MACROD2: variants seen among roughly 807,000 people sequenced by gnomAD.
The protein encoded by MACROD2 is mono-ADP ribosylhydrolase 2.
A neutral mutation model predicts 70.4 loss-of-function variants in MACROD2; 36 were observed. That is an observed-to-expected ratio of 0.51 (90% CI 0.39 to 0.68). The LOEUF (loss-of-function observed/expected upper bound fraction) is 0.68. Ranked by LOEUF, MACROD2 falls within the 30% of genes least tolerant of loss-of-function variation. MACROD2 has a pLI of 0.00. For synonymous variants in MACROD2, 172 were observed against 178.8 expected (o/e 0.96, Z 0.30); for missense variants, 496 against 538.4 (o/e 0.92, Z 0.78).
intron 5 of MACROD2, among the ~76,000 whole-genome samples, chr20:15,093,049 T>C (rs2075803703): frequency 1.3e-5 from 2 of 152,180 alleles, no homozygotes; most frequent in South Asian, 4.1e-4. Flanking sequence ...ATACTAAGAA[T>C]AAAGTAGAAT....
chr20:14,049,684 C>G (rs1159939977), intron 2 of MACROD2, among the ~76,000 whole-genome samples: 1 of 151,604 alleles, frequency 6.6e-6, no homozygotes, highest in South Asian at 2.1e-4. Flanking sequence ...ACCCAGGAGG[C>G]AGAGGTTACA....
intron 5 of MACROD2, among the ~76,000 whole-genome samples, chr20:15,062,860 C>A (rs776942012): frequency 2.0e-5 from 3 of 152,172 alleles, no homozygotes; most frequent in Non-Finnish European, 4.4e-5. Flanking sequence ...TTAGCTCTTG[C>A]AATTCTTGCC....
intron 2 of MACROD2, among the ~76,000 whole-genome samples, chr20:14,081,712 ATTG>A (rs1311481304): frequency 3.9e-5 from 6 of 152,230 alleles, no homozygotes; most frequent in Non-Finnish European, 7.3e-5. Context: ...GGTAATTTAT[ATTG>A]TTGTATTTGC....
chr20:15,817,007 T>G (rs1228168594), intron 8 of MACROD2, among the ~76,000 whole-genome samples: 1 of 152,184 alleles, frequency 6.6e-6, no homozygotes, highest in African/African-American at 2.4e-5. Context: ...CGTTACCTGA[T>G]CTCATGGAGT....
At chr20:15,381,039 C>T (rs926782828) in intron 6 of MACROD2, among the ~76,000 whole-genome samples, 1 of 152,074 alleles carries the variant, frequency 6.6e-6, no homozygotes, top group Non-Finnish European at 1.5e-5. Flanking sequence ...TATAGATTGA[C>T]TACAGGTACA....
intron 12 of MACROD2, among the ~76,000 whole-genome samples, chr20:15,943,980 A>G (rs989574834): frequency 6.6e-6 from 1 of 152,102 alleles, no homozygotes; most frequent in African/African-American, 2.4e-5. Flanking sequence ...ATATTTGCCC[A>G]TGTCTTTAGA....
intron 3 of MACROD2, among the ~76,000 whole-genome samples, chr20:14,253,750 A>G (rs1254741046): frequency 6.6e-6 from 1 of 152,124 alleles, no homozygotes; most frequent in Non-Finnish European, 1.5e-5. Flanking sequence ...TTTCTGAGTC[A>G]AAGGATGAGT....
intron 7 of MACROD2, among the ~76,000 whole-genome samples, chr20:15,446,921 C>T (rs542459721): frequency 7.2e-5 from 11 of 152,134 alleles, no homozygotes; most frequent in South Asian, 4.1e-4. Flanking sequence ...AAATGTGCCT[C>T]GTGGCCAGGA....
chr20:14,725,778 A>C (rs62204771), intron 5 of MACROD2, among the ~76,000 whole-genome samples: 6,465 of 152,230 alleles, frequency 0.042, 203 homozygotes, highest in Non-Finnish European at 0.061. Flanking sequence ...AGATGTATTC[A>C]TCCTCCAACC....
intron 6 of MACROD2, among the ~76,000 whole-genome samples, chr20:15,388,040 G>T (rs1232144699): frequency 6.6e-6 from 1 of 152,068 alleles, no homozygotes; most frequent in African/African-American, 2.4e-5. Context: ...AACTGTTAGT[G>T]GAGGGGAGGT....
chr20:15,325,023 A>G (rs1188397781), intron 6 of MACROD2, among the ~76,000 whole-genome samples: 8 of 144,936 alleles, frequency 5.5e-5, no homozygotes, highest in Admixed American at 4.9e-4. Context: ...CTTTGGACTT[A>G]CTGATAAAAA....
chr20:14,114,234 T>C (rs2054488307), intron 3 of MACROD2, among the ~76,000 whole-genome samples: 1 of 152,144 alleles, frequency 6.6e-6, no homozygotes, highest in African/African-American at 2.4e-5. Context: ...CAGCTCACAT[T>C]CTGACTCTGT....
intron 8 of MACROD2, among the ~76,000 whole-genome samples, chr20:15,785,665 T>C (rs1336834096): frequency 2.6e-5 from 4 of 152,140 alleles, no homozygotes; most frequent in Non-Finnish European, 4.4e-5. Flanking sequence ...GAGCCCTAAC[T>C]GAAAGGCTTT....
At chr20:14,049,819 C>T (rs775760157) in intron 2 of MACROD2, among the ~76,000 whole-genome samples, 4 of 151,758 alleles carry the variant, frequency 2.6e-5, no homozygotes, top group Non-Finnish European at 5.9e-5. Context: ...TGCGGTGGCT[C>T]ACGCCTGTAA....
At chr20:15,758,325 G>A (rs1303612968) in intron 8 of MACROD2, among the ~76,000 whole-genome samples, 3 of 142,692 alleles carry the variant, frequency 2.1e-5, no homozygotes, top group African/African-American at 2.6e-5. Context: ...TGCAACCTCC[G>A]CCTTCTGGGT....
intron 5 of MACROD2, among the ~76,000 whole-genome samples, chr20:14,720,516 A>AT (rs1280945407): frequency 1.5e-5 from 1 of 68,006 alleles, no homozygotes; most frequent in African/African-American, 5.6e-5. Context: ...AGCCTGTTTC[A>AT]TTTCCCAGCT....
intron 4 of MACROD2, among the ~76,000 whole-genome samples, chr20:14,526,017 A>C (rs529633671): frequency 8.5e-5 from 13 of 152,290 alleles, no homozygotes; most frequent in Non-Finnish European, 1.5e-4. Context: ...AGTAAGGCCG[A>C]TATCGGAATG....
chr20:14,079,002 T>TTATTTAAA (rs2053953771), intron 2 of MACROD2, among the ~76,000 whole-genome samples: 1 of 152,230 alleles, frequency 6.6e-6, no homozygotes, highest in African/African-American at 2.4e-5. Context: ...ATGCCAACTA[T>TTATTTAAA]TATTTAAATA....
chr20:14,582,757 A>C (rs1600414160), intron 4 of MACROD2, among the ~76,000 whole-genome samples: 2 of 152,154 alleles, frequency 1.3e-5, no homozygotes, highest in Non-Finnish European at 2.9e-5. Flanking sequence ...TTCCTCCAGC[A>C]TTGAAACCAA....
Sources: gnomAD v4.1 joint callset for allele counts (sites outside exome capture counted in the v4.1 genomes callset) on GRCh38, gnomAD v4.1.1 for gene constraint, MANE v1.5 for transcripts, NCBI Gene and HGNC (gene_info 2026-07-23, HGNC 2026-07-21) for gene names.